FAM151B: variants seen among roughly 807,000 people sequenced by gnomAD.
FAM151B encodes protein FAM151B.
Under a neutral mutation model 31.2 loss-of-function variants are expected in FAM151B, and 24 were observed. The observed-to-expected ratio is 0.77, with a 90% confidence interval of 0.56 to 1.08. FAM151B has a LOEUF of 1.08. Ranked by LOEUF, FAM151B falls within the 50% of genes least tolerant of loss-of-function variation. The pLI is 0.00. For missense variants in FAM151B, 293 were observed against 328.6 expected (o/e 0.89, Z 0.84); for synonymous variants, 105 against 111.4 (o/e 0.94, Z 0.36).
chr5:80,534,299 A>AT (rs1745394257), intron 5 of FAM151B, among the ~76,000 whole-genome samples: 1 of 152,090 alleles, frequency 6.6e-6, no homozygotes. Context: ...ACAAAGACAC[A>AT]TTAAAAAAAA....
chr5:80,489,006 ACT>A (rs1361842062), intron 1 of FAM151B, among the ~76,000 whole-genome samples: 2 of 152,108 alleles, frequency 1.3e-5, no homozygotes, highest in Non-Finnish European at 2.9e-5. Context: ...AACAACCCTG[ACT>A]CTTAAAAATA....
chr5:80,505,636 T>C (rs535349107), intron 2 of FAM151B, among the ~76,000 whole-genome samples: 14 of 151,372 alleles, frequency 9.2e-5, no homozygotes, highest in East Asian at 3.9e-4. Flanking sequence ...CCTCGTGATC[T>C]GCCCGCCTCG....
chr5:80,522,247 A>C lies in FAM151B; in HGVS notation c.671+109A>C. 4.9e-6 allele frequency: 6 copies of C among 1,218,900 alleles called. No individual in the cohort carries two copies. The South Asian group carries it at 1.1e-4, about 22-fold the overall frequency. The allele number at this position is 1,218,900 out of a possible 1,614,324, so 75.5% of individuals were successfully genotyped here. Reference sequence around the variant, plus strand: ...CAGTGTGTGTGAGAGAAAGGTAGACAGAAAAGGAATGAAAACTGATGATAT... The same window carrying C: ...CAGTGTGTGTGAGAGAAAGGTAGACCGAAAAGGAATGAAAACTGATGATAT... On this transcript the variant is annotated intron_variant, in intron 5 of 5. Transcript: ENST00000282226.
intron 2 of FAM151B, among the ~76,000 whole-genome samples, chr5:80,504,708 T>C (rs577098454): frequency 3.5e-4 from 53 of 151,996 alleles, no homozygotes; most frequent in African/African-American, 4.8e-4. Flanking sequence ...TTAGTAGAGA[T>C]GGGGTTTCAC....
intron 5 of FAM151B, among the ~76,000 whole-genome samples, chr5:80,539,980 C>T (rs1580466472): frequency 1.3e-5 from 2 of 152,246 alleles, no homozygotes; most frequent in South Asian, 2.1e-4. Flanking sequence ...GCATGAGCCT[C>T]ATTATCCCTA....
chr5:80,497,715 A>G (rs890444467), intron 1 of FAM151B, among the ~76,000 whole-genome samples: 22 of 150,290 alleles, frequency 1.5e-4, no homozygotes, highest in African/African-American at 5.4e-4. Context: ...AGTTGCCTTT[A>G]TAAAAATTCT....
In FAM151B at chr5:80,538,500, T is replaced by TTCC. The variant is rs1491345518; in HGVS notation, c.672-3172_672-3171insCCT. Among the ~76,000 whole-genome samples the TTCC allele has an allele frequency of 5.5e-3, 660 of 120,966 alleles. 8 individuals carry two copies. Among genetic ancestry groups the TTCC allele is most frequent in the Middle Eastern group, 0.035 (8 of 226 alleles). The allele number at this position is 120,966 out of a possible 152,430, so 79.4% of individuals were successfully genotyped here. On this transcript the variant is annotated intron_variant, in intron 5 of 5. Transcript: ENST00000282226. ...TTTCTTTCTTTCCTTCCTTCCTTCC[T>TTCC]TTCTTTTCTTTCTTTCCTTCCTTCC...
chr5:80,538,789 G>A (rs1281451497), intron 5 of FAM151B, among the ~76,000 whole-genome samples: 1 of 151,670 alleles, frequency 6.6e-6, no homozygotes. Flanking sequence ...AGTGGAGACG[G>A]GGTTTTGCTA....
chr5:80,501,648 C>T, intron 1 of FAM151B, 144 bp from the exon 2 acceptor site: 1 of 562,942 alleles, frequency 1.8e-6, no homozygotes, highest in Non-Finnish European at 3.0e-6. Flanking sequence ...ATTATAGTAA[C>T]CTTTTTACTA....
intron 3 of FAM151B, chr5:80,518,801 G>A (rs568160245): frequency 6.6e-6 from 1 of 152,316 alleles, no homozygotes; most frequent in African/African-American, 2.4e-5. Context: ...AAGAGAGGTA[G>A]AAGCATAGAC....
intron 2 of FAM151B, 63 bp downstream of exon 2, chr5:80,501,980 A>T: frequency 7.5e-7 from 1 of 1,333,258 alleles, no homozygotes. Context: ...TCCTTTTTTG[A>T]TATCTAGGTA....
At chr5:80,520,952 G>T (rs1022533214) in intron 4 of FAM151B, among the ~76,000 whole-genome samples, 1 of 149,596 alleles carries the variant, frequency 6.7e-6, no homozygotes, top group Admixed American at 6.7e-5. Context: ...GAATAGCTGG[G>T]ATTACAGGCG....
chr5:80,531,950 T>C (rs1021857835), intron 5 of FAM151B, among the ~76,000 whole-genome samples: 13 of 152,052 alleles, frequency 8.5e-5, no homozygotes, highest in African/African-American at 2.9e-4. Flanking sequence ...ATGTTTATTG[T>C]GGCACTATTC....
At chr5:80,513,482 C>T (rs1017363518) in intron 2 of FAM151B, 122 bp from the exon 3 acceptor site, 6 of 898,892 alleles carry the variant, frequency 6.7e-6, no homozygotes, top group African/African-American at 5.0e-5. Context: ...GATAATCGCT[C>T]ACTGAGTGTT....
At chr5:80,494,469 TTTC>T (rs1444906198) in intron 1 of FAM151B, among the ~76,000 whole-genome samples, 21 of 47,478 alleles carry the variant, frequency 4.4e-4, no homozygotes, top group South Asian at 1.8e-3. Context: ...TCTTTCTTTC[TTTC>T]TTTCTTTCTT....
chr5:80,504,461 A>ATT (rs201095593), intron 2 of FAM151B, among the ~76,000 whole-genome samples: 1 of 127,470 alleles, frequency 7.8e-6, no homozygotes, highest in Non-Finnish European at 1.6e-5. Flanking sequence ...CCATTTACTG[A>ATT]TTTTTTTTCT....
intron 5 of FAM151B, among the ~76,000 whole-genome samples, chr5:80,538,448 C>CTCTTTCTTTGTTTCTT (rs1745661737): frequency 1.0e-4 from 5 of 49,360 alleles, no homozygotes; most frequent in Middle Eastern, 0.01. Context: ...TTCTTTCTTT[C>CTCTTTCTTTGTTTCTT]TCTTTCTTTC....
At chr5:80,534,626 A>G (rs1347212534) in intron 5 of FAM151B, among the ~76,000 whole-genome samples, 6 of 152,228 alleles carry the variant, frequency 3.9e-5, no homozygotes, top group African/African-American at 1.2e-4. Flanking sequence ...TAAAAGCTAT[A>G]TACAACAGAC....
At chr5:80,533,439 A>G (rs1214976781) in intron 5 of FAM151B, among the ~76,000 whole-genome samples, 1 of 151,476 alleles carries the variant, frequency 6.6e-6, no homozygotes, top group Non-Finnish European at 1.5e-5. Context: ...ACCCAAAATT[A>G]GTAGAAGAAA....
Sources: allele counts gnomAD v4.1 joint callset (sites outside exome capture counted in the v4.1 genomes callset), GRCh38; gene constraint gnomAD v4.1.1; transcripts MANE v1.5; gene names NCBI Gene and HGNC (gene_info 2026-07-23, HGNC 2026-07-21).